The following PDE4D variants were observed in gnomAD, a reference collection of about 807,000 sequenced individuals.
PDE4D encodes phosphodiesterase 4D, also known as 3',5'-cyclic-AMP phosphodiesterase 4D.
PDE4D carries 24 observed loss-of-function variants against 87.4 expected under a neutral mutation model. The ratio of observed to expected loss-of-function variants is 0.27; its 90% CI spans 0.20 to 0.39. The LOEUF (loss-of-function observed/expected upper bound fraction) is 0.39. PDE4D is among the 10% of genes least tolerant of loss of function. PDE4D has a pLI of 1.00. For synonymous variants in PDE4D, 384 were observed against 383.2 expected, an observed-to-expected ratio of 1.00 and a Z score of -0.02; for missense variants, 714 against 1,041.0, an observed-to-expected ratio of 0.69 and a Z score of 4.32.
intron 5 of PDE4D, among the ~76,000 whole-genome samples, chr5:59,119,580 CAA>C (rs1774148427): frequency 6.6e-6 from 1 of 152,056 alleles, no homozygotes; most frequent in African/African-American, 2.4e-5. Flanking sequence ...GCTAATATGA[CAA>C]AGGAAATAAT....
chr5:59,383,263 G>A (rs181226203), intron 1 of PDE4D, among the ~76,000 whole-genome samples: 1 of 151,860 alleles, frequency 6.6e-6, no homozygotes, highest in Non-Finnish European at 1.5e-5. Flanking sequence ...CCCCATTCAC[G>A]ATCTCACTTA....
chr5:59,339,029 A>C (rs1056877981), intron 1 of PDE4D, among the ~76,000 whole-genome samples: 1 of 152,324 alleles, frequency 6.6e-6, no homozygotes, highest in Admixed American at 6.5e-5. Flanking sequence ...TAACTTATTT[A>C]TCTTGTCATT....
intron 1 of PDE4D, among the ~76,000 whole-genome samples, chr5:60,359,634 A>C (rs1759890682): frequency 6.6e-6 from 1 of 152,214 alleles, no homozygotes; most frequent in African/African-American, 2.4e-5. Flanking sequence ...GACTTCTTAA[A>C]ATATTTGCTC....
At chr5:59,822,926 A>G (rs1234387845) in intron 1 of PDE4D, among the ~76,000 whole-genome samples, 1 of 152,200 alleles carries the variant, frequency 6.6e-6, no homozygotes, top group Non-Finnish European at 1.5e-5. Context: ...AGCTAGACTG[A>G]CTGCTGAAAT....
chr5:60,050,071 C>T (rs1038577813), intron 2 of PDE4D, among the ~76,000 whole-genome samples: 2 of 152,166 alleles, frequency 1.3e-5, no homozygotes, highest in African/African-American at 2.4e-5. Context: ...TCTCCTGGTG[C>T]CGTTTTTTAA....
chr5:59,810,988 C>A (rs1328880212), intron 1 of PDE4D, among the ~76,000 whole-genome samples: 1 of 152,024 alleles, frequency 6.6e-6, no homozygotes, highest in Non-Finnish European at 1.5e-5. Flanking sequence ...CATGAGGAGG[C>A]AGTATAATAA....
chr5:59,668,365 TG>T (rs1206230620), intron 1 of PDE4D, among the ~76,000 whole-genome samples: 10 of 152,208 alleles, frequency 6.6e-5, no homozygotes, highest in African/African-American at 9.6e-5. Flanking sequence ...GGCTTCCTCC[TG>T]GGATTCCACT....
intron 5 of PDE4D, among the ~76,000 whole-genome samples, chr5:59,110,030 T>C (rs1052937202): frequency 1.3e-5 from 2 of 152,198 alleles, no homozygotes; most frequent in Non-Finnish European, 2.9e-5. Context: ...ATGCATGTCC[T>C]AGGCCCTCAA....
chr5:59,125,680 G>C (rs949254770), intron 5 of PDE4D, among the ~76,000 whole-genome samples: 1 of 152,188 alleles, frequency 6.6e-6, no homozygotes, highest in African/African-American at 2.4e-5. Context: ...TGCAGGAAAT[G>C]ATCTGGACAG....
At chr5:60,222,090 T>C (rs1744560433) in intron 1 of PDE4D, among the ~76,000 whole-genome samples, 1 of 152,116 alleles carries the variant, frequency 6.6e-6, no homozygotes, top group African/African-American at 2.4e-5. Context: ...ATGAAATTAA[T>C]AGGATATTTC....
chr5:60,278,367 TA>T (rs1470769573), intron 1 of PDE4D, among the ~76,000 whole-genome samples: 3 of 152,186 alleles, frequency 2.0e-5, no homozygotes, highest in Non-Finnish European at 2.9e-5. Flanking sequence ...TTTGAAAGTT[TA>T]ATTATGAAAT....
chr5:60,108,191 C>T (rs1281339099), intron 2 of PDE4D, among the ~76,000 whole-genome samples: 1 of 151,716 alleles, frequency 6.6e-6, no homozygotes, highest in Non-Finnish European at 1.5e-5. Flanking sequence ...GTACAAAAAT[C>T]ACAAGCATTC....
chr5:59,900,712 G>A (rs572269677), intron 3 of PDE4D, among the ~76,000 whole-genome samples: 14 of 152,242 alleles, frequency 9.2e-5, no homozygotes, highest in Middle Eastern at 6.8e-3. Flanking sequence ...ACTTTTTAGA[G>A]ATGTTTAACT....
chr5:59,980,507 C>T (rs984554969), intron 3 of PDE4D, among the ~76,000 whole-genome samples: 5 of 152,180 alleles, frequency 3.3e-5, no homozygotes, highest in Admixed American at 2.6e-4. Flanking sequence ...TGTTGGTGAA[C>T]GCAGAAGTTG....
chr5:59,988,422 A>G (rs1762657855), intron 3 of PDE4D: 2 of 1,065,138 alleles, frequency 1.9e-6, no homozygotes, highest in Non-Finnish European at 2.7e-6. Flanking sequence ...CAAAAACTCA[A>G]AAGACCACAG....
chr5:60,421,770 C>G (rs112617386), intron 1 of PDE4D, among the ~76,000 whole-genome samples: 4,163 of 152,192 alleles, frequency 0.027, 92 homozygotes, highest in Middle Eastern at 0.078. Flanking sequence ...ATGTTCTAAC[C>G]CATTGAAGGA....
intron 2 of PDE4D, among the ~76,000 whole-genome samples, chr5:60,160,347 A>T (rs1314999617): frequency 1.3e-5 from 2 of 152,234 alleles, no homozygotes; most frequent in South Asian, 2.1e-4. Context: ...CGTGATTTTC[A>T]TGGGTCAATT....
intron 2 of PDE4D, among the ~76,000 whole-genome samples, chr5:60,124,867 T>C (rs1778993853): frequency 6.6e-6 from 1 of 152,144 alleles, no homozygotes; most frequent in Non-Finnish European, 1.5e-5. Context: ...AGTGCTAAAT[T>C]CATTTGTCAA....
At chr5:59,769,498 T>C (rs1339620666) in intron 1 of PDE4D, among the ~76,000 whole-genome samples, 1 of 152,224 alleles carries the variant, frequency 6.6e-6, no homozygotes, top group Non-Finnish European at 1.5e-5. Context: ...GTGATTTCCT[T>C]TATTGCCTTT....
Sources: gnomAD v4.1 joint callset for allele counts (sites outside exome capture counted in the v4.1 genomes callset) on GRCh38, gnomAD v4.1.1 for gene constraint, MANE v1.5 for transcripts, NCBI Gene and HGNC (gene_info 2026-07-23, HGNC 2026-07-21) for gene names.